The following PACRG variants were observed in gnomAD, a reference collection of about 807,000 sequenced individuals.
PACRG encodes the protein parkin coregulated gene protein.
In PACRG, 29 loss-of-function variants were observed where a neutral mutation model predicts 29.7. That is an observed-to-expected ratio of 0.98 (90% CI 0.73 to 1.33). The LOEUF (loss-of-function observed/expected upper bound fraction) is 1.33, where lower values mean the gene tolerates loss of function less well. PACRG is among the 40% of genes most tolerant of loss of function. PACRG has a pLI of 0.00. For synonymous variants in PACRG, 116 were observed against 118.7 expected, an observed-to-expected ratio of 0.98 and a Z score of 0.15; for missense variants, 279 against 316.2, an observed-to-expected ratio of 0.88 and a Z score of 0.89.
intron 4 of PACRG, among the ~76,000 whole-genome samples, chr6:163,153,718 A>G (rs564562553): frequency 4.1e-4 from 63 of 152,354 alleles, no homozygotes; most frequent in Middle Eastern, 3.4e-3. Context: ...ATAAATACAA[A>G]CTAAGAAAGA....
chr6:163,243,202 G>A (rs1053097088), intron 4 of PACRG, among the ~76,000 whole-genome samples: 2 of 152,188 alleles, frequency 1.3e-5, no homozygotes, highest in African/African-American at 2.4e-5. Flanking sequence ...CTGTGGGCCT[G>A]CTATTAAACA....
At chr6:163,128,709 G>A (rs1385934297) in intron 4 of PACRG, among the ~76,000 whole-genome samples, 1 of 152,154 alleles carries the variant, frequency 6.6e-6, no homozygotes, top group South Asian at 2.1e-4. Flanking sequence ...CTGTCATTTA[G>A]CCAAAACTGT....
chr6:162,847,017 C>T (rs1169016935), intron 2 of PACRG, among the ~76,000 whole-genome samples: 1 of 121,648 alleles, frequency 8.2e-6, no homozygotes, highest in African/African-American at 2.9e-5. Context: ...CTGTGATGCC[C>T]CCCACACTGC....
At chr6:163,034,502 G>C (rs1009600394) in intron 2 of PACRG, among the ~76,000 whole-genome samples, 1 of 152,094 alleles carries the variant, frequency 6.6e-6, no homozygotes, top group Non-Finnish European at 1.5e-5. Flanking sequence ...AAGCATCCGT[G>C]CCTTTTATGA....
At chr6:163,209,138 G>A (rs1781032086) in intron 4 of PACRG, among the ~76,000 whole-genome samples, 1 of 152,334 alleles carries the variant, frequency 6.6e-6, no homozygotes, top group Non-Finnish European at 1.5e-5. Context: ...TAGAAGTTGA[G>A]TGCATTTAGT....
At chr6:163,305,354 C>T (rs535263427) in intron 4 of PACRG, among the ~76,000 whole-genome samples, 4 of 152,324 alleles carry the variant, frequency 2.6e-5, no homozygotes, top group African/African-American at 9.6e-5. Context: ...GAAGGTTCCT[C>T]CTTTTTACCT....
intron 2 of PACRG, among the ~76,000 whole-genome samples, chr6:162,995,339 C>T (rs1286807991): frequency 6.6e-6 from 1 of 151,228 alleles, no homozygotes; most frequent in Non-Finnish European, 1.5e-5. Context: ...CCTCCCCCAG[C>T]CTCGCTGCCG....
At chr6:163,256,262 A>ATTCAGT (rs1023612515) in intron 4 of PACRG, among the ~76,000 whole-genome samples, 2 of 152,164 alleles carry the variant, frequency 1.3e-5, no homozygotes, top group Non-Finnish European at 2.9e-5. Flanking sequence ...CTGACTCAAA[A>ATTCAGT]TTCAGTCTAT....
chr6:163,122,005 A>G lies in PACRG; in HGVS notation c.613+32597A>G, dbSNP rs542852276. On this transcript the variant is annotated intron_variant, in intron 4 of 4. Coordinates refer to ENST00000366888, the MANE Select transcript of PACRG (RefSeq NM_001080379.2). ...CTCTTTTTTCTTTTCACTTGCTGCT[A>G]TTCTATACATGCGGAGGAGTTTTTG... 2.0e-3 allele frequency among the ~76,000 whole-genome samples: 297 copies of G among 151,914 alleles called. 1 individual carries two copies. The highest frequency in any genetic ancestry group is 6.7e-3 in the African/African-American group (279 of 41,436).
In PACRG at chr6:162,917,466, G is replaced by A. The variant is rs185450691; in HGVS notation, c.291+103185G>A. Among the ~76,000 whole-genome samples the A allele has an allele frequency of 1.3e-3, 205 of 152,302 alleles. 1 individual carries two copies. Among genetic ancestry groups the A allele is most frequent in the African/African-American group, 3.9e-3 (161 of 41,562 alleles). On this transcript the variant is annotated intron_variant, in intron 2 of 4. Coordinates refer to ENST00000366888, the MANE Select transcript of PACRG (RefSeq NM_001080379.2). Reference sequence around the variant, plus strand: ...CAGGAAGTAGGGCTCTCAGGGTTCAGTAGGGTCAGCACTCTGGACTTCTGC... The same window carrying A: ...CAGGAAGTAGGGCTCTCAGGGTTCAATAGGGTCAGCACTCTGGACTTCTGC...
chr6:163,078,506 G>C (rs1404054459), intron 3 of PACRG, among the ~76,000 whole-genome samples: 4 of 151,830 alleles, frequency 2.6e-5, no homozygotes, highest in Non-Finnish European at 2.9e-5. Flanking sequence ...AAAAAAAAGG[G>C]GGGGAGGGGG....
chr6:163,200,488 G>A (rs552192373), intron 4 of PACRG, among the ~76,000 whole-genome samples: 6 of 152,180 alleles, frequency 3.9e-5, no homozygotes, highest in East Asian at 3.9e-4. Flanking sequence ...GGGTATGAAC[G>A]TGGGCACGTG....
chr6:163,066,871 A>G (rs1002506324), intron 3 of PACRG, among the ~76,000 whole-genome samples: 2 of 152,258 alleles, frequency 1.3e-5, no homozygotes, highest in African/African-American at 4.8e-5. Flanking sequence ...GTAAAATTTA[A>G]TTGTAAAGAG....
intron 4 of PACRG, among the ~76,000 whole-genome samples, chr6:163,212,168 A>T (rs1328466712): frequency 6.6e-6 from 1 of 152,214 alleles, no homozygotes; most frequent in Non-Finnish European, 1.5e-5. Flanking sequence ...AAATATGAAA[A>T]GATAGAGAAT....
chr6:162,861,856 T>A (rs1483238338), intron 2 of PACRG, among the ~76,000 whole-genome samples: 2 of 152,166 alleles, frequency 1.3e-5, no homozygotes, highest in Non-Finnish European at 2.9e-5. Flanking sequence ...TGTTCATAGT[T>A]TATGACCTGT....
chr6:162,749,485 T>A (rs1186003552), intron 1 of PACRG, among the ~76,000 whole-genome samples: 1 of 152,190 alleles, frequency 6.6e-6, no homozygotes, highest in Non-Finnish European at 1.5e-5. Flanking sequence ...TACATGAAGA[T>A]CATTCTCCTG....
At chr6:162,912,723 C>T (rs1173144283) in intron 2 of PACRG, among the ~76,000 whole-genome samples, 1 of 151,742 alleles carries the variant, frequency 6.6e-6, no homozygotes, top group Non-Finnish European at 1.5e-5. Flanking sequence ...AGGCACGTGC[C>T]ACCACATTCA....
intron 2 of PACRG, among the ~76,000 whole-genome samples, chr6:162,947,595 C>CATATATATATATATATATAATCATATAT (rs59243050): frequency 3.6e-5 from 1 of 27,988 alleles, no homozygotes; most frequent in African/African-American, 1.1e-4. Context: ...TATATATAAT[C>CATATATATATATATATATAATCATATAT]ATATATATAT....
At chr6:163,098,945 A>G (rs1312253222) in intron 4 of PACRG, among the ~76,000 whole-genome samples, 1 of 152,066 alleles carries the variant, frequency 6.6e-6, no homozygotes, top group South Asian at 2.1e-4. Flanking sequence ...TCTCATCGCC[A>G]TCTTGGTTTT....
Sources: gnomAD v4.1 joint callset for allele counts (sites outside exome capture counted in the v4.1 genomes callset) on GRCh38, gnomAD v4.1.1 for gene constraint, MANE v1.5 for transcripts, NCBI Gene and HGNC (gene_info 2026-07-23, HGNC 2026-07-21) for gene names.